CNTNAP5: variants seen among roughly 807,000 people sequenced by gnomAD.
The protein encoded by CNTNAP5 is contactin associated protein family member 5.
CNTNAP5 carries 72 observed loss-of-function variants against 150.2 expected under a neutral mutation model. The observed-to-expected ratio is 0.48, with a 90% CI of 0.40 to 0.58. The LOEUF (loss-of-function observed/expected upper bound fraction) is 0.58, where lower values mean the gene tolerates loss of function less well. Among genes scored for constraint, CNTNAP5 ranks in the 20% least tolerant of loss-of-function variants. CNTNAP5 has a pLI of 0.00. For missense variants in CNTNAP5, 1,636 were observed against 1,626.2 expected, an observed-to-expected ratio of 1.01 and a Z score of -0.10; for synonymous variants, 672 against 619.8, an observed-to-expected ratio of 1.08 and a Z score of -1.25.
chr2:124,884,379 G>A (rs1427462953), intron 21 of CNTNAP5, among the ~76,000 whole-genome samples: 1 of 152,038 alleles, frequency 6.6e-6, no homozygotes, highest in Non-Finnish European at 1.5e-5. Flanking sequence ...GTCCATGTGT[G>A]TGCCCATGTG....
chr2:124,868,495 G>A (rs555192547), intron 20 of CNTNAP5, among the ~76,000 whole-genome samples: 1 of 152,166 alleles, frequency 6.6e-6, no homozygotes, highest in East Asian at 1.9e-4. Flanking sequence ...GATTCAAAAG[G>A]TCATTCTCAT....
At chr2:124,617,325 T>C (rs1462589526) in intron 12 of CNTNAP5, among the ~76,000 whole-genome samples, 1 of 152,104 alleles carries the variant, frequency 6.6e-6, no homozygotes, top group African/African-American at 2.4e-5. Context: ...CTCACAGTTC[T>C]AGAGCCCAGA....
intron 11 of CNTNAP5, among the ~76,000 whole-genome samples, chr2:124,569,615 C>A (rs113323752): frequency 0.019 from 2,930 of 152,308 alleles, 99 homozygotes; most frequent in African/African-American, 0.067. Context: ...TCTGATGACA[C>A]TCACATGTGC....
At chr2:124,845,438 A>AT (rs201596844) in intron 19 of CNTNAP5, among the ~76,000 whole-genome samples, 26,398 of 131,186 alleles carry the variant, frequency 0.2, 2,647 homozygotes, top group Middle Eastern at 0.26. Flanking sequence ...GGTCTGTAGT[A>AT]TTTTTTTTTT....
At chr2:124,624,192 A>T (rs1281709240) in intron 12 of CNTNAP5, among the ~76,000 whole-genome samples, 1 of 152,214 alleles carries the variant, frequency 6.6e-6, no homozygotes, top group Non-Finnish European at 1.5e-5. Flanking sequence ...CTACTAAGTC[A>T]TAAAGCTGTA....
At chr2:124,223,487 A>G (rs1686377766) in intron 2 of CNTNAP5, among the ~76,000 whole-genome samples, 1 of 152,112 alleles carries the variant, frequency 6.6e-6, no homozygotes, top group South Asian at 2.1e-4. Flanking sequence ...AGAGAACTGA[A>G]CTGGAGCAGG....
chr2:124,350,181 C>T (rs549735944), intron 3 of CNTNAP5, among the ~76,000 whole-genome samples: 14 of 151,690 alleles, frequency 9.2e-5, no homozygotes, highest in Admixed American at 5.9e-4. Flanking sequence ...CATTCCCGGC[C>T]GACTTCTGGC....
intron 1 of CNTNAP5, among the ~76,000 whole-genome samples, chr2:124,033,865 G>A (rs566808793): frequency 1.3e-5 from 2 of 151,998 alleles, no homozygotes; most frequent in Non-Finnish European, 2.9e-5. Flanking sequence ...ACCCCACTGA[G>A]TATAGGAAAG....
intron 19 of CNTNAP5, among the ~76,000 whole-genome samples, chr2:124,861,976 G>A (rs1356613514): frequency 1.3e-5 from 2 of 152,048 alleles, no homozygotes; most frequent in African/African-American, 4.8e-5. Flanking sequence ...ACCATGCCCA[G>A]CTAATTTTTG....
At chr2:124,844,099 A>T (rs1446228549) in intron 19 of CNTNAP5, among the ~76,000 whole-genome samples, 6 of 152,080 alleles carry the variant, frequency 3.9e-5, no homozygotes, top group Non-Finnish European at 8.8e-5. Flanking sequence ...TAATGTCTAG[A>T]AGAGTTTTTT....
chr2:124,232,682 T>G (rs1363248298), intron 2 of CNTNAP5, among the ~76,000 whole-genome samples: 4 of 152,192 alleles, frequency 2.6e-5, no homozygotes, highest in Admixed American at 2.0e-4. Flanking sequence ...AATTGGTTGA[T>G]CATGTCTGGA....
intron 1 of CNTNAP5, among the ~76,000 whole-genome samples, chr2:124,168,504 TAAG>T (rs1262184101): frequency 1.3e-5 from 2 of 152,182 alleles, no homozygotes; most frequent in Admixed American, 1.3e-4. Context: ...AGATGGATGT[TAAG>T]AAAGAGTTGG....
chr2:124,314,972 A>G (rs1688927747), intron 3 of CNTNAP5, among the ~76,000 whole-genome samples: 1 of 148,636 alleles, frequency 6.7e-6, no homozygotes, highest in Non-Finnish European at 1.5e-5. Context: ...TAATGCATAC[A>G]TCAAACAAAC....
chr2:124,371,544 A>G (rs1327679226), intron 3 of CNTNAP5, among the ~76,000 whole-genome samples: 1 of 152,144 alleles, frequency 6.6e-6, no homozygotes, highest in Non-Finnish European at 1.5e-5. Flanking sequence ...GATTTCTTAT[A>G]GAGTTTAGTG....
intron 3 of CNTNAP5, among the ~76,000 whole-genome samples, chr2:124,243,404 A>G (rs1686936735): frequency 6.6e-6 from 1 of 152,076 alleles, no homozygotes. Context: ...TGTTTTATAT[A>G]CTCATTGTTA....
At chr2:124,169,259 TGGGTTA>T (rs1289204158) in intron 1 of CNTNAP5, among the ~76,000 whole-genome samples, 1 of 152,118 alleles carries the variant, frequency 6.6e-6, no homozygotes, top group East Asian at 1.9e-4. Context: ...CTTATTGGCC[TGGGTTA>T]GGGACTGGCT....
intron 3 of CNTNAP5, among the ~76,000 whole-genome samples, chr2:124,351,827 C>A (rs964842461): frequency 1.3e-5 from 2 of 152,280 alleles, no homozygotes; most frequent in East Asian, 3.9e-4. Context: ...TACCATATTA[C>A]TTATAACTTA....
rs557214145 is a variant in CNTNAP5, at chr2:124,866,159, A to G, written c.3348+723A>G. On this transcript the variant is annotated intron_variant, in intron 20 of 23. Coordinates refer to ENST00000682447, the MANE Select transcript of CNTNAP5 (RefSeq NM_001367498.1). The stretch of plus-strand genomic sequence containing the variant: ...GCACCTATAATCCCAGCTACTGGGG[A>G]AGCTGAGGTAGGAGCACTTGAAACT... Among the ~76,000 whole-genome samples, 158 of 151,992 alleles carry G rather than the reference A, an allele frequency of 1.0e-3. 2 individuals carry two copies. Among genetic ancestry groups the G allele is most frequent in the South Asian group, 8.5e-3 (41 of 4,810 alleles).
intron 12 of CNTNAP5, among the ~76,000 whole-genome samples, chr2:124,640,003 C>T (rs1024582886): frequency 6.6e-6 from 1 of 152,100 alleles, no homozygotes; most frequent in Non-Finnish European, 1.5e-5. Context: ...CTTCCTAGAA[C>T]CAGCTGTGAA....
Sources: allele counts gnomAD v4.1 joint callset (sites outside exome capture counted in the v4.1 genomes callset), GRCh38; gene constraint gnomAD v4.1.1; transcripts MANE v1.5; gene names NCBI Gene and HGNC (gene_info 2026-07-23, HGNC 2026-07-21).